The following THSD7B variants were observed in gnomAD, a reference collection of about 807,000 sequenced individuals.
The protein encoded by THSD7B is thrombospondin type 1 domain containing 7B.
In THSD7B, 138 loss-of-function variants were observed where a neutral mutation model predicts 213.6. The ratio of observed to expected loss-of-function variants is 0.65; its 90% CI spans 0.56 to 0.74. THSD7B has a LOEUF of 0.74. THSD7B is among the 30% of genes least tolerant of loss of function. The pLI is 0.00. For missense variants in THSD7B, 1,931 were observed against 1,991.5 expected, an observed-to-expected ratio of 0.97 and a Z score of 0.58; for synonymous variants, 742 against 687.0, an observed-to-expected ratio of 1.08 and a Z score of -1.25.
At chr2:137,031,873 G>A (rs886845819) in intron 2 of THSD7B, among the ~76,000 whole-genome samples, 2 of 137,264 alleles carry the variant, frequency 1.5e-5, no homozygotes, top group African/African-American at 5.3e-5. Context: ...ATAAGGTTTT[G>A]CTCTGTCACC....
chr2:136,773,710 T>A (rs539222580), intron 1 of THSD7B, among the ~76,000 whole-genome samples: 1 of 152,090 alleles, frequency 6.6e-6, no homozygotes, highest in East Asian at 1.9e-4. Flanking sequence ...CTAGAATCTG[T>A]ACTATTAACG....
intron 15 of THSD7B, among the ~76,000 whole-genome samples, chr2:137,499,984 A>G (rs1459576623): frequency 6.6e-6 from 1 of 152,220 alleles, no homozygotes; most frequent in Non-Finnish European, 1.5e-5. Context: ...GCAGATTAGA[A>G]GAAATATACG....
At chr2:136,770,175 C>G (rs553627851) in intron 1 of THSD7B, among the ~76,000 whole-genome samples, 1 of 152,316 alleles carries the variant, frequency 6.6e-6, no homozygotes, top group South Asian at 2.1e-4. Flanking sequence ...TTGCCTTAGT[C>G]TTAGACTGCA....
chr2:136,966,515 CCAA>C (rs1281159546), intron 2 of THSD7B, among the ~76,000 whole-genome samples: 6 of 152,176 alleles, frequency 3.9e-5, no homozygotes, highest in African/African-American at 1.4e-4. Flanking sequence ...CTGTGTCCAG[CCAA>C]CAACATGTCT....
At chr2:136,795,554 C>A (rs1010499244) in intron 1 of THSD7B, among the ~76,000 whole-genome samples, 4 of 152,000 alleles carry the variant, frequency 2.6e-5, no homozygotes, top group Non-Finnish European at 4.4e-5. Flanking sequence ...GGGCCGTTAT[C>A]CTGCCTATTA....
intron 2 of THSD7B, among the ~76,000 whole-genome samples, chr2:136,994,791 A>G (rs1036473723): frequency 2.6e-5 from 4 of 152,226 alleles, no homozygotes; most frequent in African/African-American, 9.7e-5. Flanking sequence ...TCAAATACAG[A>G]TTACCCTCCT....
chr2:137,014,696 A>G (rs1438080742), intron 2 of THSD7B, among the ~76,000 whole-genome samples: 1 of 151,982 alleles, frequency 6.6e-6, no homozygotes. Context: ...AGCTTCCGTG[A>G]CTCCAACATG....
chr2:136,911,779 C>T (rs1234633888), intron 2 of THSD7B, among the ~76,000 whole-genome samples: 1 of 152,206 alleles, frequency 6.6e-6, no homozygotes, highest in East Asian at 1.9e-4. Flanking sequence ...GCTACTACTA[C>T]TACAAGAGAG....
At chr2:137,145,807 T>C (rs546007993) in intron 5 of THSD7B, among the ~76,000 whole-genome samples, 3 of 152,244 alleles carry the variant, frequency 2.0e-5, no homozygotes, top group Non-Finnish European at 2.9e-5. Context: ...TAGAAATATG[T>C]AATAACGCTT....
At chr2:137,427,054 A>G (rs1436596906) in intron 14 of THSD7B, among the ~76,000 whole-genome samples, 1 of 152,158 alleles carries the variant, frequency 6.6e-6, no homozygotes, top group Non-Finnish European at 1.5e-5. Context: ...GTTGCTGAAC[A>G]TCACTCGTTA....
chr2:137,014,704 A>G (rs1686304748), intron 2 of THSD7B, among the ~76,000 whole-genome samples: 1 of 152,204 alleles, frequency 6.6e-6, no homozygotes, highest in African/African-American at 2.4e-5. Context: ...TGACTCCAAC[A>G]TGAGCTGCTC....
intron 6 of THSD7B, among the ~76,000 whole-genome samples, chr2:137,164,238 A>T (rs189974337): frequency 4.8e-4 from 73 of 152,196 alleles, no homozygotes; most frequent in Non-Finnish European, 9.6e-4. Flanking sequence ...TGCCCCAATC[A>T]ATACTTTTTT....
intron 2 of THSD7B, among the ~76,000 whole-genome samples, chr2:137,033,821 A>C (rs1686720932): frequency 1.3e-5 from 2 of 151,838 alleles, no homozygotes; most frequent in African/African-American, 4.8e-5. Context: ...TTTAAGTTCT[A>C]GGGTACATGT....
chr2:137,272,151 A>C (rs1211724018), intron 10 of THSD7B, among the ~76,000 whole-genome samples: 2 of 152,078 alleles, frequency 1.3e-5, no homozygotes. Flanking sequence ...GGATGGAGAA[A>C]TCCCTTACTC....
At chr2:137,031,172 C>T (rs9752854) in intron 2 of THSD7B, among the ~76,000 whole-genome samples, 2,356 of 151,058 alleles carry the variant, frequency 0.016, 26 homozygotes, top group Middle Eastern at 0.041. Context: ...GGTGAAACCC[C>T]GCCTCTACTA....
intron 14 of THSD7B, among the ~76,000 whole-genome samples, chr2:137,448,206 C>T (rs74591673): frequency 6.6e-6 from 1 of 152,188 alleles, no homozygotes; most frequent in Non-Finnish European, 1.5e-5. Context: ...TTCTTCATCT[C>T]TGCTTGGCAG....
At chr2:137,182,431 G>GT (rs1177599021) in intron 7 of THSD7B, among the ~76,000 whole-genome samples, 1 of 151,564 alleles carries the variant, frequency 6.6e-6, no homozygotes, top group East Asian at 1.9e-4. Flanking sequence ...CTGTGATAGT[G>GT]TATGAAGCTG....
At chr2:137,134,021 T>C (rs763461091) in intron 5 of THSD7B, among the ~76,000 whole-genome samples, 1 of 152,210 alleles carries the variant, frequency 6.6e-6, no homozygotes, top group African/African-American at 2.4e-5. Context: ...AACTAATATG[T>C]GTTGAGTATT....
intron 16 of THSD7B, among the ~76,000 whole-genome samples, chr2:137,570,249 A>T: frequency 6.6e-6 from 1 of 151,614 alleles, no homozygotes; most frequent in Non-Finnish European, 1.5e-5. Flanking sequence ...TCAGTATGTG[A>T]TTAGCTACTT....
Sources: gnomAD v4.1 joint callset for allele counts (sites outside exome capture counted in the v4.1 genomes callset) on GRCh38, gnomAD v4.1.1 for gene constraint, MANE v1.5 for transcripts, NCBI Gene and HGNC (gene_info 2026-07-23, HGNC 2026-07-21) for gene names.